TNN: variants seen among roughly 807,000 people sequenced by gnomAD.
TNN encodes tenascin-N.
A neutral mutation model predicts 134.4 loss-of-function variants in TNN; 122 were observed. The observed-to-expected ratio is 0.91, with a 90% CI of 0.78 to 1.06. The LOEUF is 1.06. Among genes scored for constraint, TNN ranks in the 50% least tolerant of loss-of-function variants. The pLI is 0.00. For missense variants in TNN, 1,739 were observed against 1,699.4 expected, an observed-to-expected ratio of 1.02 and a Z score of -0.41; for synonymous variants, 710 against 670.3, an observed-to-expected ratio of 1.06 and a Z score of -0.91.
chr1:175,118,877 A>G (rs1447143696), intron 11 of TNN, 53 bp downstream of exon 11: 1 of 1,602,596 alleles, frequency 6.2e-7, no homozygotes, highest in East Asian at 2.2e-5. Context: ...AGGTTGATCT[A>G]TTGCAGCTGA....
At chr1:175,074,250 A>G (rs1451596925) in intron 1 of TNN, among the ~76,000 whole-genome samples, 1 of 152,034 alleles carries the variant, frequency 6.6e-6, no homozygotes, top group Non-Finnish European at 1.5e-5. Context: ...TGGGGAGCTG[A>G]GGTGGACAGG....
chr1:175,142,053 C>G (rs1315485856), intron 17 of TNN, among the ~76,000 whole-genome samples: 1 of 152,144 alleles, frequency 6.6e-6, no homozygotes, highest in Non-Finnish European at 1.5e-5. Context: ...AAGCTGTGCT[C>G]ATTTAAAGAA....
chr1:175,090,796 TG>T (rs2149430673), intron 6 of TNN, among the ~76,000 whole-genome samples: 1 of 152,344 alleles, frequency 6.6e-6, no homozygotes, highest in South Asian at 2.1e-4. Flanking sequence ...AACTAACGTA[TG>T]TACTCACAGG....
At position 175,118,747 on chromosome 1, in the gene TNN, G is replaced by A. The variant is rs765050341; in HGVS notation, c.2573G>A (p.Gly858Asp). 6.2e-7 allele frequency: 1 copy of A among 1,614,230 alleles called. No individual in the cohort carries two copies. Residue 858 changes from glycine (G) to aspartate (D), a missense_variant, in exon 11 of 19, where the codon GGC (glycine) becomes GAC (aspartate). Transcript: ENST00000239462. ...ACTGTCCTGACGGGCCTGAGGCCGGGCATGGAGTACACGGTGCACGTGTGG... is the reference window on the plus strand; with the variant it reads ...ACTGTCCTGACGGGCCTGAGGCCGGACATGGAGTACACGGTGCACGTGTGG... ...SSTVLTGLRP[G>D]MEYTVHVWAQ...
chr1:175,118,531 G>C (rs569441620), intron 10 of TNN, 30 bp from the exon 11 acceptor site: 1 of 1,611,224 alleles, frequency 6.2e-7, no homozygotes, highest in African/African-American at 1.3e-5. Flanking sequence ...CCTGTTCATA[G>C]TGCATATTGG....
intron 6 of TNN, among the ~76,000 whole-genome samples, chr1:175,089,378 T>A (rs532340221): frequency 6.6e-6 from 1 of 152,292 alleles, no homozygotes; most frequent in East Asian, 1.9e-4. Context: ...TTACCCAACA[T>A]GCTCAAAGTG....
intron 12 of TNN, among the ~76,000 whole-genome samples, chr1:175,125,636 CTT>C (rs1404107734): frequency 7.3e-6 from 1 of 137,854 alleles, no homozygotes; most frequent in Non-Finnish European, 1.5e-5. Context: ...TTTCTCTCTT[CTT>C]TTCTCTCTCT....
chr1:175,109,899 C>T (rs1312710333), intron 9 of TNN, among the ~76,000 whole-genome samples: 8 of 151,896 alleles, frequency 5.3e-5, no homozygotes, highest in Admixed American at 4.6e-4. Context: ...TCATATGGTA[C>T]ATCTATTTTT....
intron 15 of TNN, among the ~76,000 whole-genome samples, chr1:175,131,045 T>G (rs554160072): frequency 3.9e-5 from 6 of 151,904 alleles, no homozygotes; most frequent in Middle Eastern, 3.4e-3. Flanking sequence ...ACAGTTTTTT[T>G]GGGGGGGTTC....
intron 9 of TNN, 73 bp from the exon 10 acceptor site, chr1:175,116,866 C>T: frequency 6.2e-7 from 1 of 1,602,782 alleles, no homozygotes; most frequent in South Asian, 1.1e-5. Context: ...TGCCTTACCA[C>T]AAGTAAAATG....
At chr1:175,133,409 C>A (rs1675723101) in intron 15 of TNN, among the ~76,000 whole-genome samples, 1 of 152,242 alleles carries the variant, frequency 6.6e-6, no homozygotes, top group African/African-American at 2.4e-5. Flanking sequence ...ACAGCCCTTG[C>A]TAAAATCACC....
rs1674602228 is a variant in TNN, at chr1:175,097,610, G to C, written c.1782G>C (p.Val594=). The change falls in exon 8 of 19, where the codon GTG becomes GTC. Residue 594 remains valine (V), a synonymous_variant. Coordinates refer to ENST00000239462, the MANE Select transcript of TNN (RefSeq NM_022093.2). The stretch of plus-strand genomic sequence containing the variant: ...TCCTGACAGGCCTGAGGCCAGGTGT[G>C]GAGTACACAGTGCATGTCTGGGCCC... ...STVLTGLRPG[V]EYTVHVWAQK... is the part of the protein sequence containing the mutation. The C allele has an allele frequency of 1.9e-6, 3 of 1,614,232 alleles. No homozygotes were observed. Among genetic ancestry groups the C allele is most frequent in the Non-Finnish European group, 2.5e-6 (3 of 1,180,048 alleles).
Position 175,080,441 on chromosome 1 carries a change from T to G in TNN, c.1048+15T>G. 1.2e-6 allele frequency: 2 copies of G among 1,613,044 alleles called. No individual in the cohort carries two copies. Among genetic ancestry groups the G allele is most frequent in the Non-Finnish European group, 1.7e-6 (2 of 1,179,136 alleles). ...TGCCACCACAGGTGAGGAAGCCACC[T>G]GATGCCCCAGGGTTCCCAGGAGAGG... is the stretch of plus-strand genomic sequence containing the variant. On this transcript the variant is annotated intron_variant, in intron 4 of 18. Transcript: ENST00000239462.
In TNN at chr1:175,126,960, G is replaced by T. The variant is rs763318923; in HGVS notation, c.2920G>T (p.Asp974Tyr). Residue 974 changes from aspartate (D) to tyrosine (Y), a missense_variant, in exon 13 of 19, where the codon GAC becomes TAC. Physicochemically the swap from Asp to Tyr is radical, Grantham distance 160 (BLOSUM62 -3). Coordinates refer to ENST00000239462, the MANE Select transcript of TNN (RefSeq NM_022093.2). ...KADTKAQTEL[D>Y]PPRNLRPSAV... ...ACCTGACTTTCTACGTACAGAACTC[G>T]ACCCTCCCAGAAACCTTCGTCCATC... The T allele has an allele frequency of 5.0e-6, 8 of 1,611,692 alleles. No individual in the cohort carries two copies. The South Asian group carries it at 8.8e-5, about 18-fold the overall frequency.
intron 17 of TNN, 21 bp downstream of exon 17, chr1:175,137,009 A>G: frequency 1.9e-6 from 3 of 1,612,696 alleles, no homozygotes; most frequent in Non-Finnish European, 2.5e-6. Flanking sequence ...ATGTTTTCTT[A>G]CTGCGAAGGT....
chr1:175,109,922 A>G (rs1451245908), intron 9 of TNN, among the ~76,000 whole-genome samples: 1 of 151,976 alleles, frequency 6.6e-6, no homozygotes, highest in Non-Finnish European at 1.5e-5. Flanking sequence ...TTTTTTGAGG[A>G]AACTCCATGC....
chr1:175,128,985 T>G (rs1456468762), intron 15 of TNN, among the ~76,000 whole-genome samples: 1 of 151,874 alleles, frequency 6.6e-6, no homozygotes, highest in African/African-American at 2.4e-5. Flanking sequence ...TCAGGGTGAG[T>G]CCACAATGCA....
chr1:175,072,512 C>A (rs1190872303), intron 1 of TNN, among the ~76,000 whole-genome samples: 1 of 152,150 alleles, frequency 6.6e-6, no homozygotes, highest in Non-Finnish European at 1.5e-5. Flanking sequence ...CTGTCTGCCC[C>A]CTCCCCACCC....
intron 13 of TNN, 56 bp downstream of exon 13, chr1:175,127,141 A>C: frequency 6.3e-7 from 1 of 1,581,530 alleles, no homozygotes; most frequent in Non-Finnish European, 8.6e-7. Flanking sequence ...TGAAGCAACT[A>C]ACTTGGGCCA....
Sources: gnomAD v4.1 joint callset for allele counts (sites outside exome capture counted in the v4.1 genomes callset) on GRCh38, gnomAD v4.1.1 for gene constraint, MANE v1.5 for transcripts, NCBI Gene and HGNC (gene_info 2026-07-23, HGNC 2026-07-21) for gene names.